Variants in DCC observed in about 807,000 individuals in gnomAD.
The protein encoded by DCC is netrin receptor DCC.
Under a neutral mutation model 172.5 loss-of-function variants are expected in DCC, and 58 were observed. That is an observed-to-expected ratio of 0.34 (90% confidence interval 0.27 to 0.42). The LOEUF (loss-of-function observed/expected upper bound fraction) is 0.42, where lower values mean the gene tolerates loss of function less well. DCC is among the 10% of genes least tolerant of loss of function. DCC has a pLI of 1.00. For missense variants in DCC, 1,740 were observed against 1,791.0 expected, an observed-to-expected ratio of 0.97 and a Z score of 0.51; for synonymous variants, 709 against 644.5, an observed-to-expected ratio of 1.10 and a Z score of -1.52.
Position 53,148,865 on chromosome 18 carries a change from C to CTTTTTTTTTTTTTTTTTTT in DCC, c.1262-8474_1262-8473insTTTTTTTTTTTTTTTTTTT, listed in dbSNP as rs5824990. Among the ~76,000 whole-genome samples the CTTTTTTTTTTTTTTTTTTT allele has an allele frequency of 2.2e-4, 24 of 109,774 alleles. 1 individual carries two copies. Among genetic ancestry groups the CTTTTTTTTTTTTTTTTTTT allele is most frequent in the African/African-American group, 5.6e-4 (15 of 26,710 alleles). 72.0% of individuals were successfully genotyped at this position (109,774 alleles called of 152,430 possible). On this transcript the variant is annotated intron_variant, in intron 7 of 28. Transcript: ENST00000442544. Reference sequence around the variant, plus strand: ...AAACTAGCTCAGAACTTCCCAATGCCTTTTTTTTTTTTTTTTTGGACAAAG... The same window carrying CTTTTTTTTTTTTTTTTTTT: ...AAACTAGCTCAGAACTTCCCAATGCCTTTTTTTTTTTTTTTTTTTTTTTTTTTTTTTTTTTTGGACAAAG...
At chr18:52,916,784 T>G (rs1293842924) in intron 3 of DCC, among the ~76,000 whole-genome samples, 1 of 152,058 alleles carries the variant, frequency 6.6e-6, no homozygotes, top group East Asian at 1.9e-4. Context: ...TCCAACTACA[T>G]GTTTGTTTGA....
At chr18:52,999,517 AG>A (rs2041533220) in intron 5 of DCC, among the ~76,000 whole-genome samples, 2 of 152,080 alleles carry the variant, frequency 1.3e-5, no homozygotes. Flanking sequence ...TCAGTGACTA[AG>A]AAAGTGAATT....
chr18:52,598,526 T>C (rs145006085), intron 1 of DCC, among the ~76,000 whole-genome samples: 2,561 of 152,250 alleles, frequency 0.017, 38 homozygotes, highest in Non-Finnish European at 0.024. Context: ...GCTATAACTA[T>C]GGAGCACCAG....
At chr18:53,019,837 A>G (rs1024611700) in intron 5 of DCC, among the ~76,000 whole-genome samples, 4 of 152,298 alleles carry the variant, frequency 2.6e-5, no homozygotes, top group Admixed American at 6.5e-5. Context: ...TGTAACCTAC[A>G]AAGCCTAACA....
rs541306417 is a variant in DCC, at chr18:52,853,419, C to A, written c.413-52625C>A. Reference sequence around the variant, plus strand: ...GTTTGTTACAATACAGCGTATTGACCAACTTTTCATACTACATTAAATTTC... The same window carrying A: ...GTTTGTTACAATACAGCGTATTGACAAACTTTTCATACTACATTAAATTTC... On this transcript the variant is annotated intron_variant, in intron 2 of 28. Transcript: ENST00000442544. 1.0e-3 allele frequency among the ~76,000 whole-genome samples: 158 copies of A among 152,234 alleles called. 2 individuals are homozygous for A. Among genetic ancestry groups the A allele is most frequent in the Non-Finnish European group, 2.9e-4 (20 of 68,020 alleles).
chr18:52,809,378 TTCTTGGCC>T (rs2038150429), intron 2 of DCC: 1 of 166,456 alleles, frequency 6.0e-6, no homozygotes, highest in Admixed American at 6.4e-5. Flanking sequence ...TGACCTGGGG[TTCTTGGCC>T]TCATGGATTC....
At chr18:53,517,305 G>C (rs1399717300) in intron 27 of DCC, among the ~76,000 whole-genome samples, 3 of 151,398 alleles carry the variant, frequency 2.0e-5, no homozygotes, top group African/African-American at 4.9e-5. Context: ...TTGTGGGGTG[G>C]GGGGAGGCGG....
At chr18:52,713,013 T>G (rs2145058804) in intron 1 of DCC, among the ~76,000 whole-genome samples, 1 of 152,308 alleles carries the variant, frequency 6.6e-6, no homozygotes, top group African/African-American at 2.4e-5. Flanking sequence ...TCTTTTTTAC[T>G]TTTGAATTAA....
At chr18:52,647,587 C>T (rs1422020478) in intron 1 of DCC, among the ~76,000 whole-genome samples, 1 of 152,204 alleles carries the variant, frequency 6.6e-6, no homozygotes, top group Non-Finnish European at 1.5e-5. Context: ...ACACTTGCAA[C>T]AGCCACTTGG....
chr18:53,107,382 C>T (rs1369731325), intron 7 of DCC, among the ~76,000 whole-genome samples: 5 of 151,626 alleles, frequency 3.3e-5, no homozygotes, highest in Admixed American at 2.6e-4. Flanking sequence ...TTAAATTGGG[C>T]CCATTTTTCT....
chr18:52,963,461 C>G (rs1344204479), intron 5 of DCC, among the ~76,000 whole-genome samples: 6 of 152,030 alleles, frequency 3.9e-5, no homozygotes, highest in Non-Finnish European at 8.8e-5. Flanking sequence ...AAGCAAAGAC[C>G]TGCAAATGGA....
chr18:52,864,862 C>T (rs1397181229), intron 2 of DCC, among the ~76,000 whole-genome samples: 2 of 150,426 alleles, frequency 1.3e-5, no homozygotes, highest in Non-Finnish European at 3.0e-5. Context: ...TGAACTCATC[C>T]TTTTTTTATT....
At chr18:53,232,383 A>G (rs910216832) in intron 12 of DCC, among the ~76,000 whole-genome samples, 4 of 152,282 alleles carry the variant, frequency 2.6e-5, no homozygotes, top group Admixed American at 6.5e-5. Flanking sequence ...CAGATGTGCT[A>G]CAATCACATT....
intron 5 of DCC, among the ~76,000 whole-genome samples, chr18:53,011,212 G>A (rs900494737): frequency 2.0e-5 from 3 of 151,452 alleles, no homozygotes; most frequent in Non-Finnish European, 4.4e-5. Flanking sequence ...GTTTAAGTGT[G>A]ATTAAAAGCA....
At chr18:53,388,749 G>T (rs976180303) in intron 16 of DCC, among the ~76,000 whole-genome samples, 1 of 152,206 alleles carries the variant, frequency 6.6e-6, no homozygotes, top group African/African-American at 2.4e-5. Context: ...ATGTTAAAAT[G>T]AAGTACAATC....
At chr18:52,388,303 T>C (rs1220322660) in intron 1 of DCC, among the ~76,000 whole-genome samples, 3 of 151,732 alleles carry the variant, frequency 2.0e-5, no homozygotes, top group Non-Finnish European at 4.4e-5. Flanking sequence ...AGCTCTAAAA[T>C]TCATAGATGT....
At chr18:52,917,137 C>T (rs112827569) in intron 3 of DCC, among the ~76,000 whole-genome samples, 1 of 94,820 alleles carries the variant, frequency 1.1e-5, no homozygotes, top group East Asian at 3.0e-4. Flanking sequence ...AAAAAGAAAA[C>T]AAAAAAAAAA....
At chr18:53,233,939 C>T (rs530670566) in intron 12 of DCC, among the ~76,000 whole-genome samples, 1 of 151,926 alleles carries the variant, frequency 6.6e-6, no homozygotes, top group South Asian at 2.1e-4. Context: ...CATGGTGAAA[C>T]CTTGTCACTA....
intron 2 of DCC, among the ~76,000 whole-genome samples, chr18:52,844,214 T>G (rs1235198529): frequency 2.6e-5 from 4 of 152,092 alleles, no homozygotes; most frequent in African/African-American, 9.7e-5. Context: ...CTGTGCCCAA[T>G]CTCCTCTGGG....
Sources: gnomAD v4.1 joint callset for allele counts (sites outside exome capture counted in the v4.1 genomes callset) on GRCh38, gnomAD v4.1.1 for gene constraint, MANE v1.5 for transcripts, NCBI Gene and HGNC (gene_info 2026-07-23, HGNC 2026-07-21) for gene names.